The following UNC5B variants were observed in gnomAD, a reference collection of about 807,000 sequenced individuals.
UNC5B encodes the protein unc-5 netrin receptor B.
UNC5B carries 56 observed loss-of-function variants against 103.7 expected under a neutral mutation model. The ratio of observed to expected loss-of-function variants is 0.54; its 90% CI spans 0.44 to 0.67. UNC5B has a LOEUF of 0.67. Ranked by LOEUF, UNC5B falls within the 30% of genes least tolerant of loss-of-function variation. The probability of loss-of-function intolerance (pLI) is 0.00; values close to 1 mark genes in which losing one functional copy is unlikely to be tolerated. For missense variants in UNC5B, 1,194 were observed against 1,284.5 expected, an observed-to-expected ratio of 0.93 and a Z score of 1.08; for synonymous variants, 577 against 542.0, an observed-to-expected ratio of 1.06 and a Z score of -0.90.
chr10:71,218,788 C>G (rs1843391289), intron 1 of UNC5B, among the ~76,000 whole-genome samples: 1 of 152,190 alleles, frequency 6.6e-6, no homozygotes, highest in Non-Finnish European at 1.5e-5. Context: ...CAGCCTGTCT[C>G]CCCCAAAGGG....
chr10:71,220,868 T>C (rs1843439586), intron 1 of UNC5B, among the ~76,000 whole-genome samples: 2 of 152,266 alleles, frequency 1.3e-5, no homozygotes, highest in South Asian at 4.2e-4. Context: ...AGACTCTGGC[T>C]CTTGATTTTC....
chr10:71,291,669 AC>A lies in UNC5B; in HGVS notation c.1535del (p.Pro512LeufsTer90). The A allele has an allele frequency of 6.2e-7, 1 of 1,613,530 alleles. No individual in the cohort carries two copies. The highest frequency in any genetic ancestry group is 8.5e-7 in the Non-Finnish European group (1 of 1,179,984). On this transcript the variant is annotated frameshift_variant, in exon 10 of 17. Coordinates refer to ENST00000335350, the MANE Select transcript of UNC5B (RefSeq NM_170744.5). LOFTEE classifies it high-confidence loss of function. Reference protein sequence around the residue: ...DLLGVLPPGTYPSDFARDTHF... With the variant: ...DLLGVLPPGTXPSDFARDTHF... ...CTGGGGGTCTTGCCGCCTGGCACATACCCTAGCGATTTCGCCCGGGACACCC... is the reference window on the plus strand; with the variant it reads ...CTGGGGGTCTTGCCGCCTGGCACATACCTAGCGATTTCGCCCGGGACACCC...
intron 1 of UNC5B, among the ~76,000 whole-genome samples, chr10:71,216,853 G>A (rs1302465857): frequency 3.9e-5 from 6 of 152,148 alleles, no homozygotes; most frequent in African/African-American, 7.2e-5. Context: ...AAGTGCTCTC[G>A]GACCAGGTTA....
chr10:71,286,029 T>C (rs1311068140), intron 4 of UNC5B, among the ~76,000 whole-genome samples: 1 of 152,116 alleles, frequency 6.6e-6, no homozygotes, highest in East Asian at 1.9e-4. Context: ...ATTCAGCCTC[T>C]CCCAGCCCAA....
intron 1 of UNC5B, among the ~76,000 whole-genome samples, chr10:71,257,089 T>G (rs1441881796): frequency 6.6e-6 from 1 of 152,050 alleles, no homozygotes; most frequent in Non-Finnish European, 1.5e-5. Flanking sequence ...ACCCTCCTGG[T>G]AAGGGAGGGT....
intron 1 of UNC5B, among the ~76,000 whole-genome samples, chr10:71,257,565 C>T (rs1284592124): frequency 6.6e-6 from 1 of 152,236 alleles, no homozygotes; most frequent in African/African-American, 2.4e-5. Context: ...TCCTGCATGC[C>T]AAGCCCACAC....
chr10:71,222,021 A>G (rs1404066307), intron 1 of UNC5B, among the ~76,000 whole-genome samples: 2 of 151,136 alleles, frequency 1.3e-5, no homozygotes, highest in Non-Finnish European at 2.9e-5. Flanking sequence ...TCATCATCAT[A>G]TGGGCACCAT....
intron 1 of UNC5B, among the ~76,000 whole-genome samples, chr10:71,241,623 T>C (rs547208821): frequency 6.6e-6 from 1 of 152,058 alleles, no homozygotes; most frequent in African/African-American, 2.4e-5. Flanking sequence ...ACTTGAACAA[T>C]AACAGTAGTA....
At chr10:71,286,442 G>T (rs1267125469) in intron 4 of UNC5B, among the ~76,000 whole-genome samples, 1 of 152,164 alleles carries the variant, frequency 6.6e-6, no homozygotes, top group African/African-American at 2.4e-5. Context: ...TATGGGGTAG[G>T]TGCTATTCAA....
intron 1 of UNC5B, among the ~76,000 whole-genome samples, chr10:71,230,247 G>C (rs115051654): frequency 0.013 from 2,041 of 152,198 alleles, 47 homozygotes; most frequent in African/African-American, 0.046. Context: ...ACTCTGATTG[G>C]TCAGAGTGAG....
chr10:71,291,838 C>T lies in UNC5B; in HGVS notation c.1684+17C>T. 1 of 1,573,032 alleles carries T rather than the reference C, an allele frequency of 6.4e-7. No homozygotes were observed. The highest frequency in any genetic ancestry group is 2.2e-5 in the East Asian group (1 of 44,614). On this transcript the variant is annotated intron_variant, in intron 10 of 16. Coordinates refer to ENST00000335350, the MANE Select transcript of UNC5B (RefSeq NM_170744.5). ...CCGGCACAGGTGAGCCCCTGCCCTG[C>T]TTGTGCGTCAGCCTGGCCTTAGCAC... is the stretch of plus-strand genomic sequence containing the variant.
Position 71,291,776 on chromosome 10 carries a change from G to T in UNC5B, c.1639G>T (p.Gly547Cys), listed in dbSNP as rs776460633. 1.2e-6 allele frequency: 2 copies of T among 1,606,756 alleles called. No individual in the cohort carries two copies. Among genetic ancestry groups the T allele is most frequent in the Non-Finnish European group, 1.7e-6 (2 of 1,179,432 alleles). ...LPRDPGSSVS[G>C]TFGCLGGRLS... ...CCGAGACCCAGGGAGCAGCGTCAGC[G>T]GCACCTTTGGCTGCCTGGGTGGGAG... is the stretch of plus-strand genomic sequence containing the variant. The change falls in exon 10 of 17, where the codon GGC becomes TGC. Residue 547 changes from glycine (G) to cysteine (C), a missense_variant. By Grantham distance (159) the Gly-to-Cys change is radical. Transcript: ENST00000335350.
At position 71,213,726 on chromosome 10, in the gene UNC5B, A is replaced by AGTGTGTGTGTGTGTGT. The variant is rs1238732312; in HGVS notation, c.79+663_79+664insTGTGTGTGTGTGTGTG. Reference sequence around the variant, plus strand: ...TTATTATTAATTTTCTGAGTGTTGGAGAGTGTGTGTGTGTGTGTGTGTGTG... The same window carrying AGTGTGTGTGTGTGTGT: ...TTATTATTAATTTTCTGAGTGTTGGAGTGTGTGTGTGTGTGTGAGTGTGTGTGTGTGTGTGTGTGTG... On this transcript the variant is annotated intron_variant, in intron 1 of 16. Coordinates refer to ENST00000335350, the MANE Select transcript of UNC5B (RefSeq NM_170744.5). This position sits in a 1 kb window ranked among gnomAD's most constrained non-coding sequence, Gnocchi z 4.1. 9.8e-5 allele frequency among the ~76,000 whole-genome samples: 8 copies of AGTGTGTGTGTGTGTGT among 81,858 alleles called. No homozygotes were observed. Among genetic ancestry groups the AGTGTGTGTGTGTGTGT allele is most frequent in the African/African-American group, 4.2e-4 (8 of 19,010 alleles). 53.7% of individuals were successfully genotyped at this position (81,858 alleles called of 152,430 possible).
chr10:71,218,862 C>A (rs140380290), intron 1 of UNC5B, among the ~76,000 whole-genome samples: 4 of 152,210 alleles, frequency 2.6e-5, no homozygotes, highest in Non-Finnish European at 5.9e-5. Context: ...GTGGGATCCC[C>A]AGTGGAGAAC....
intron 1 of UNC5B, among the ~76,000 whole-genome samples, chr10:71,227,749 CAT>C (rs1843604749): frequency 6.8e-6 from 1 of 147,208 alleles, no homozygotes; most frequent in Non-Finnish European, 1.5e-5. Context: ...CACACACATA[CAT>C]ACCCTAGTCC....
intron 10 of UNC5B, 108 bp downstream of exon 10, chr10:71,291,929 G>A: frequency 7.0e-7 from 1 of 1,425,588 alleles, no homozygotes; most frequent in South Asian, 1.5e-5. Flanking sequence ...CCATCTCACA[G>A]ATGGGGAAAG....
chr10:71,225,517 C>T (rs1031448509), intron 1 of UNC5B, among the ~76,000 whole-genome samples: 3 of 152,196 alleles, frequency 2.0e-5, no homozygotes, highest in African/African-American at 4.8e-5. Flanking sequence ...GGAGGAGGCC[C>T]GGGTGCCACG....
intron 1 of UNC5B, among the ~76,000 whole-genome samples, chr10:71,270,372 G>A (rs12782278): frequency 1.9e-4 from 20 of 105,876 alleles, no homozygotes; most frequent in African/African-American, 6.9e-4. Context: ...GGGAGGGAGG[G>A]TGGGAGGCAG....
In UNC5B at chr10:71,296,760, C is replaced by T. The variant is rs376617057; in HGVS notation, c.2490+18C>T. 3.1e-5 allele frequency: 50 copies of T among 1,603,058 alleles called. No individual in the cohort carries two copies. Among genetic ancestry groups the T allele is most frequent in the East Asian group, 4.6e-5 (2 of 43,916 alleles). ...TGGCAGAGGTGAGGGAAGTCGGGGCCACATATTCCAGCTGCACACCACACT... is the reference window on the plus strand; with the variant it reads ...TGGCAGAGGTGAGGGAAGTCGGGGCTACATATTCCAGCTGCACACCACACT... On this transcript the variant is annotated intron_variant, in intron 15 of 16. Coordinates refer to ENST00000335350, the MANE Select transcript of UNC5B (RefSeq NM_170744.5).
Sources: gnomAD v4.1 joint callset for allele counts (sites outside exome capture counted in the v4.1 genomes callset) on GRCh38, gnomAD v4.1.1 for gene constraint, Gnocchi (gnomAD v3.1) non-coding constraint, MANE v1.5 for transcripts, NCBI Gene and HGNC (gene_info 2026-07-23, HGNC 2026-07-21) for gene names.